The following ABHD2 variants were observed in gnomAD, a reference collection of about 807,000 sequenced individuals.
ABHD2 encodes the protein monoacylglycerol lipase ABHD2.
Under a neutral mutation model 48.1 loss-of-function variants are expected in ABHD2, and 20 were observed. The ratio of observed to expected loss-of-function variants is 0.42; its 90% confidence interval spans 0.29 to 0.60. The LOEUF (loss-of-function observed/expected upper bound fraction) is 0.60, where lower values mean the gene tolerates loss of function less well. Ranked by LOEUF, ABHD2 falls within the 20% of genes least tolerant of loss-of-function variation. The pLI, the probability that ABHD2 is intolerant of heterozygous loss-of-function variation, is 0.24. For missense variants in ABHD2, 405 were observed against 550.9 expected (o/e 0.74, Z 2.65); for synonymous variants, 209 against 214.2 (o/e 0.98, Z 0.21).
At chr15:89,159,042 T>C (rs1250360175) in intron 5 of ABHD2, among the ~76,000 whole-genome samples, 2 of 151,984 alleles carry the variant, frequency 1.3e-5, no homozygotes, top group African/African-American at 4.8e-5. Flanking sequence ...CCCAGATAAA[T>C]AAGATGTGTT....
chr15:89,059,838 C>T, the ABHD2 span, among the ~76,000 whole-genome samples: 1 of 152,172 alleles, frequency 6.6e-6, no homozygotes, highest in Non-Finnish European at 1.5e-5. Context: ...CTTCTTCCTG[C>T]TGCAGGGTCC....
chr15:89,132,751 G>C (rs1263732082), intron 3 of ABHD2, among the ~76,000 whole-genome samples: 1 of 152,170 alleles, frequency 6.6e-6, no homozygotes, highest in Non-Finnish European at 1.5e-5. Context: ...TATGTAAAGA[G>C]AGATGGACTT....
intron 4 of ABHD2, among the ~76,000 whole-genome samples, chr15:89,152,529 A>G (rs955200790): frequency 5.3e-5 from 8 of 152,156 alleles, no homozygotes; most frequent in African/African-American, 1.9e-4. Flanking sequence ...GTATACTGTT[A>G]TCTCATTTAA....
chr15:89,160,873 C>T (rs936219452), intron 5 of ABHD2, among the ~76,000 whole-genome samples: 3 of 152,164 alleles, frequency 2.0e-5, no homozygotes, highest in Admixed American at 1.3e-4. Context: ...GGAGAAGCAT[C>T]CTTCCTAGAG....
chr15:89,150,005 G>A (rs1369281131), intron 3 of ABHD2, among the ~76,000 whole-genome samples: 1 of 152,172 alleles, frequency 6.6e-6, no homozygotes, highest in Admixed American at 6.5e-5. Flanking sequence ...ACTCTAAACT[G>A]GGAATGTGGC....
In ABHD2 at chr15:89,155,435, G is replaced by A. The variant is rs1303245723; in HGVS notation, c.439G>A (p.Val147Ile). The A allele has an allele frequency of 4.3e-6, 7 of 1,614,104 alleles. No individual in the cohort carries two copies. Among genetic ancestry groups the A allele is most frequent in the South Asian group, 1.1e-5 (1 of 91,070 alleles). Reference sequence around the variant, plus strand: ...CGAGAAGCAATACATCCGCACTTTCGTTGACTACGCCCAGAAAAATGGCTA... The same window carrying A: ...CGAGAAGCAATACATCCGCACTTTCATTGACTACGCCCAGAAAAATGGCTA... ...HSEKQYIRTF[V>I]DYAQKNGYRC... Residue 147 changes from valine to isoleucine, a missense_variant, in exon 5 of 11, where the codon GTT becomes ATT. Physicochemically the swap from Val to Ile is conservative, Grantham distance 29. Transcript: ENST00000352732. This position sits in a 1 kb window ranked among gnomAD's most constrained non-coding sequence, Gnocchi z 4.9.
In ABHD2 at chr15:89,185,017, G is replaced by C. The variant is rs9920091; in HGVS notation, c.723-407G>C. On this transcript the variant is annotated intron_variant, in intron 6 of 10. Coordinates refer to ENST00000352732, the MANE Select transcript of ABHD2 (RefSeq NM_152924.5). The surrounding 1 kb of genome is among the most constrained non-coding windows in gnomAD (Gnocchi z 5.9). ...TTTTCCCCTCCACACCCACTCTCCC[G>C]TTCCATGTGCCAGTCATTAAACCAG... Among the ~76,000 whole-genome samples, 7,783 of 152,254 alleles carry C rather than the reference G, an allele frequency of 0.051. 679 individuals are homozygous for C. The highest frequency in any genetic ancestry group is 0.17 in the African/African-American group (7,256 of 41,520).
At position 89,116,871 on chromosome 15, in the gene ABHD2, A is replaced by G. The variant is rs1241523422; in HGVS notation, c.194+350A>G. On this transcript the variant is annotated intron_variant, in intron 3 of 10. Coordinates refer to ENST00000352732, the MANE Select transcript of ABHD2 (RefSeq NM_152924.5). This position sits in a 1 kb window ranked among gnomAD's most constrained non-coding sequence, Gnocchi z 4.6. Reference sequence around the variant, plus strand: ...TTGCCAGTTCTAGGATGGAGAAACTATCCTCACCCAAAATAATTAATAAGC... The same window carrying G: ...TTGCCAGTTCTAGGATGGAGAAACTGTCCTCACCCAAAATAATTAATAAGC... Among the ~76,000 whole-genome samples the G allele has an allele frequency of 6.6e-6, 1 of 152,222 alleles. No homozygotes were observed. Among genetic ancestry groups the G allele is most frequent in the African/African-American group, 2.4e-5 (1 of 41,456 alleles).
Position 89,200,699 on chromosome 15 carries a change from A to G in ABHD2, c.*5276A>G, listed in dbSNP as rs1005949653. The G allele has an allele frequency of 7.4e-5, 17 of 228,210 alleles. No homozygotes were observed. The highest frequency in any genetic ancestry group is 5.4e-5 in the Non-Finnish European group (6 of 110,458). 14.1% of individuals were successfully genotyped at this position (228,210 alleles called of 1,614,324 possible). ...CACCGCAGGCCATACTACCAATGAA[A>G]TGGTAGGTAAACAAATCTTCTGGTC... is the stretch of plus-strand genomic sequence containing the variant. On this transcript the variant is annotated 3_prime_UTR_variant, in exon 11 of 11. Coordinates refer to ENST00000352732, the MANE Select transcript of ABHD2 (RefSeq NM_152924.5).
the ABHD2 span, among the ~76,000 whole-genome samples, chr15:89,049,590 C>T: frequency 0.019 from 2,909 of 152,354 alleles, 86 homozygotes; most frequent in African/African-American, 0.065. Context: ...ATAATCTCCT[C>T]GTGCGCCGTT....
intron 3 of ABHD2, chr15:89,135,828 T>G: frequency 1.3e-6 from 1 of 760,280 alleles, no homozygotes; most frequent in Non-Finnish European, 2.4e-6. Context: ...GATGTTCTCC[T>G]TTGATATTTG....
At position 89,196,909 on chromosome 15, in the gene ABHD2, C is replaced by G. The variant is rs535560702; in HGVS notation, c.*1486C>G. 1.3e-5 allele frequency: 2 copies of G among 152,776 alleles called. No individual in the cohort carries two copies. Among genetic ancestry groups the G allele is most frequent in the African/African-American group, 4.8e-5 (2 of 41,590 alleles). 9.5% of individuals were successfully genotyped at this position (152,776 alleles called of 1,614,324 possible). A position where few individuals can be genotyped will look rare whatever the true frequency, so the allele number is the denominator to read the frequency against. On this transcript the variant is annotated 3_prime_UTR_variant, in exon 11 of 11. Coordinates refer to ENST00000352732, the MANE Select transcript of ABHD2 (RefSeq NM_152924.5). The stretch of plus-strand genomic sequence containing the variant: ...CCAAAAACCCTGCACTTTGAACAAT[C>G]AGCTGTTGCTATCTGGAACTAAACA...
At chr15:89,193,141 C>A in intron 9 of ABHD2, 94 bp from the exon 10 acceptor site, 1 of 1,266,412 alleles carries the variant, frequency 7.9e-7, no homozygotes, top group Non-Finnish European at 1.1e-6. Context: ...CCCTTTGCTT[C>A]AAAAACATGT....
the ABHD2 span, among the ~76,000 whole-genome samples, chr15:89,065,513 T>C: frequency 6.6e-6 from 1 of 152,136 alleles, no homozygotes; most frequent in African/African-American, 2.4e-5. Context: ...TACTCTTGGG[T>C]AAAATTAATG....
chr15:89,110,955 T>C (rs777704996), intron 1 of ABHD2, among the ~76,000 whole-genome samples: 2 of 152,216 alleles, frequency 1.3e-5, no homozygotes, highest in African/African-American at 4.8e-5. Context: ...TAAGCCCTGT[T>C]TCCACAGAGT....
chr15:89,149,392 A>G (rs916518907), intron 3 of ABHD2, among the ~76,000 whole-genome samples: 4 of 152,232 alleles, frequency 2.6e-5, no homozygotes, highest in African/African-American at 7.2e-5. Context: ...TATTTTAAAA[A>G]CATATATTTG....
At chr15:89,181,519 C>A (rs960034504) in intron 6 of ABHD2, among the ~76,000 whole-genome samples, 1 of 151,966 alleles carries the variant, frequency 6.6e-6, no homozygotes, top group African/African-American at 2.4e-5. Flanking sequence ...TGCCTTTTTT[C>A]CCTTTTTGGG....
At chr15:89,043,649 G>A in the ABHD2 span, among the ~76,000 whole-genome samples, 1 of 135,054 alleles carries the variant, frequency 7.4e-6, no homozygotes, top group African/African-American at 2.7e-5. Flanking sequence ...GGAGGAAGGA[G>A]AAGGAGGAGG....
rs184051343 is a variant in ABHD2 at position 89,144,508 on chromosome 15, G to A, written c.195-7169G>A. 3.7e-3 allele frequency among the ~76,000 whole-genome samples: 559 copies of A among 152,268 alleles called. 2 individuals carry two copies. Among genetic ancestry groups the A allele is most frequent in the Middle Eastern group, 6.8e-3 (2 of 294 alleles). ...TCATACAATGAAATACTATTCAGCC[G>A]TAAAAAGGAATGAATTACTGATAAC... is the stretch of plus-strand genomic sequence containing the variant. On this transcript the variant is annotated intron_variant, in intron 3 of 10. Coordinates refer to ENST00000352732, the MANE Select transcript of ABHD2 (RefSeq NM_152924.5).
Sources: gnomAD v4.1 joint callset for allele counts (sites outside exome capture counted in the v4.1 genomes callset) on GRCh38, gnomAD v4.1.1 for gene constraint, Gnocchi (gnomAD v3.1) non-coding constraint, MANE v1.5 for transcripts, NCBI Gene and HGNC (gene_info 2026-07-23, HGNC 2026-07-21) for gene names.